Variants in USP34 observed in about 807,000 individuals in gnomAD.
USP34 encodes the protein ubiquitin specific peptidase 34, also known as ubiquitin carboxyl-terminal hydrolase 34.
A neutral mutation model predicts 460.3 loss-of-function variants in USP34; 70 were observed. That is an observed-to-expected ratio of 0.15 (90% CI 0.13 to 0.19). The LOEUF is 0.19. USP34 is among the 10% of genes least tolerant of loss of function. The probability of loss-of-function intolerance (pLI) is 1.00; values close to 1 mark genes in which losing one functional copy is unlikely to be tolerated. For missense variants in USP34, 3,985 were observed against 4,236.2 expected, an observed-to-expected ratio of 0.94 and a Z score of 1.65; for synonymous variants, 1,647 against 1,405.3, an observed-to-expected ratio of 1.17 and a Z score of -3.85.
At chr2:61,303,398 T>C (rs1268769940) in intron 27 of USP34, among the ~76,000 whole-genome samples, 1 of 152,124 alleles carries the variant, frequency 6.6e-6, no homozygotes, top group African/African-American at 2.4e-5. Context: ...ATTGCTATTA[T>C]ATACTTGATT....
intron 7 of USP34, among the ~76,000 whole-genome samples, chr2:61,379,114 C>G (rs1282966996): frequency 6.6e-6 from 1 of 152,100 alleles, no homozygotes; most frequent in African/African-American, 2.4e-5. Flanking sequence ...TTTAATTTAT[C>G]TGGGACAATA....
At chr2:61,425,220 G>C (rs540691909) in intron 1 of USP34, among the ~76,000 whole-genome samples, 2 of 152,042 alleles carry the variant, frequency 1.3e-5, no homozygotes, top group African/African-American at 4.8e-5. Flanking sequence ...GATCTACATA[G>C]AAAAAACACC....
intron 72 of USP34, 104 bp from the exon 73 acceptor site, chr2:61,204,705 A>T: frequency 1.1e-6 from 1 of 875,550 alleles, no homozygotes; most frequent in African/African-American, 1.7e-5. Context: ...AACCAGTTTA[A>T]TGAGTCTAAA....
intron 10 of USP34, among the ~76,000 whole-genome samples, chr2:61,362,652 A>T (rs1692310080): frequency 6.6e-6 from 1 of 152,202 alleles, no homozygotes; most frequent in African/African-American, 2.4e-5. Flanking sequence ...AAATAAGTTG[A>T]CATCAGTAAA....
At chr2:61,341,079 G>C (rs1475832243) in intron 16 of USP34, among the ~76,000 whole-genome samples, 2 of 151,144 alleles carry the variant, frequency 1.3e-5, no homozygotes, top group African/African-American at 4.9e-5. Context: ...CTGCACATAA[G>C]TAATACACAG....
At chr2:61,426,003 C>T (rs1258266111) in intron 1 of USP34, among the ~76,000 whole-genome samples, 4 of 152,004 alleles carry the variant, frequency 2.6e-5, no homozygotes, top group Admixed American at 2.0e-4. Flanking sequence ...AACTCCCAGA[C>T]ATTTCTACAC....
rs1304434468 is a variant in USP34 at position 61,192,919 on chromosome 2, A to G, written c.9570T>C (p.Thr3190=). 2.5e-6 allele frequency: 4 copies of G among 1,613,782 alleles called. No individual in the cohort carries two copies. Among genetic ancestry groups the G allele is most frequent in the Non-Finnish European group, 3.4e-6 (4 of 1,179,836 alleles). Reference sequence around the variant, plus strand: ...TCTTTACCTGAGTCTGGCATAGCTCAGTCCAAAGTTTGGGGAACAGTGCAA... The same window carrying G: ...TCTTTACCTGAGTCTGGCATAGCTCGGTCCAAAGTTTGGGGAACAGTGCAA... ...LHLALFPKLW[T]ELCQTQSAMS... The change falls in exon 76 of 80, where the codon ACT becomes ACC. Residue 3190 remains threonine (T), a synonymous_variant. Coordinates refer to ENST00000398571, the MANE Select transcript of USP34 (RefSeq NM_014709.4).
chr2:61,347,230 T>C (rs1026687246), intron 15 of USP34, among the ~76,000 whole-genome samples: 1 of 152,158 alleles, frequency 6.6e-6, no homozygotes, highest in Non-Finnish European at 1.5e-5. Flanking sequence ...GCTATAAGTA[T>C]AAAATATGCA....
At chr2:61,373,849 A>G (rs1367357410) in intron 8 of USP34, among the ~76,000 whole-genome samples, 2 of 152,276 alleles carry the variant, frequency 1.3e-5, no homozygotes, top group East Asian at 1.9e-4. Context: ...TATTTTCTCT[A>G]TTTTACAAAA....
intron 10 of USP34, among the ~76,000 whole-genome samples, chr2:61,355,198 A>G (rs778370047): frequency 6.6e-6 from 1 of 152,242 alleles, no homozygotes; most frequent in African/African-American, 2.4e-5. Context: ...TGAGTAGGGT[A>G]CAAGATGAAT....
rs1166038648 is a variant in USP34 at position 61,348,017 on chromosome 2, T to C, written c.2138A>G (p.His713Arg). 5.0e-6 allele frequency: 8 copies of C among 1,614,204 alleles called. No homozygotes were observed. In the African/African-American group the frequency reaches 5.3e-5, roughly 11 times the overall value. The change falls in exon 15 of 80, where the codon CAT becomes CGT. Residue 713 changes from histidine (H) to arginine (R), a missense_variant. Around this residue, in one of 14 missense-constraint regions of USP34, gnomAD observed 716 missense variants for 626.2 expected, o/e 1.14. Coordinates refer to ENST00000398571, the MANE Select transcript of USP34 (RefSeq NM_014709.4). ...AGACTCCTGAGACCCTTGTGCTATA[T>C]GAGTAGCATTCATTTCCCCTGAAAT... is the stretch of plus-strand genomic sequence containing the variant. ...HDISGEMNAT[H>R]IAQGSQESCI...
intron 35 of USP34, among the ~76,000 whole-genome samples, chr2:61,284,316 C>T (rs1212271310): frequency 3.9e-5 from 6 of 151,966 alleles, no homozygotes; most frequent in Non-Finnish European, 7.4e-5. Flanking sequence ...ATCATGAAAA[C>T]TCAAACTGAA....
chr2:61,290,605 A>T (rs1689821180), intron 33 of USP34, among the ~76,000 whole-genome samples: 1 of 152,180 alleles, frequency 6.6e-6, no homozygotes, highest in African/African-American at 2.4e-5. Context: ...TATAAAATGA[A>T]AATCTCATCT....
chr2:61,199,362 T>C (rs1043242485), intron 75 of USP34, among the ~76,000 whole-genome samples: 3 of 152,134 alleles, frequency 2.0e-5, no homozygotes, highest in Non-Finnish European at 4.4e-5. Context: ...CTCAAGCGAT[T>C]CTCCTGCCTC....
At chr2:61,377,508 T>C (rs533154681) in intron 8 of USP34, among the ~76,000 whole-genome samples, 4 of 152,170 alleles carry the variant, frequency 2.6e-5, no homozygotes, top group Non-Finnish European at 5.9e-5. Flanking sequence ...GGGAGATAAT[T>C]AGGTCATGAA....
At chr2:61,422,700 C>A (rs192878976) in intron 1 of USP34, among the ~76,000 whole-genome samples, 1 of 152,222 alleles carries the variant, frequency 6.6e-6, no homozygotes, top group East Asian at 1.9e-4. Context: ...AACAGAAAAC[C>A]CTAAGGATTA....
chr2:61,277,865 C>T (rs1558505807), intron 41 of USP34: 2 of 282,732 alleles, frequency 7.1e-6, no homozygotes, highest in Non-Finnish European at 1.3e-5. Flanking sequence ...GAATAAGTCT[C>T]TTGAGATCTG....
Position 61,188,841 on chromosome 2 carries a change from C to G in USP34, c.10033+69G>C, listed in dbSNP as rs146305168. 7.3e-4 allele frequency: 1,153 copies of G among 1,586,044 alleles called. 7 individuals are homozygous for G. The African/African-American group carries it at 0.011, about 15-fold the overall frequency. ...TTCAGCTGAACACACAACTCTTAAA[C>G]CAGTTACACCAAGTGTATTACTCCC... On this transcript the variant is annotated intron_variant, in intron 79 of 79. Transcript: ENST00000398571.
chr2:61,347,548 A>C (rs970503949), intron 15 of USP34, among the ~76,000 whole-genome samples: 5 of 151,854 alleles, frequency 3.3e-5, no homozygotes, highest in African/African-American at 1.2e-4. Context: ...TAATTTTTCT[A>C]TTTTTAGTAG....
Sources: gnomAD v4.1 joint callset for allele counts (sites outside exome capture counted in the v4.1 genomes callset) on GRCh38, gnomAD v4.1.1 for gene constraint, gnomAD v4.1.1 regional missense constraint, MANE v1.5 for transcripts, NCBI Gene and HGNC (gene_info 2026-07-23, HGNC 2026-07-21) for gene names.